The following PCLO variants were observed in gnomAD, a reference collection of about 807,000 sequenced individuals.
The protein encoded by PCLO is piccolo presynaptic cytomatrix protein.
PCLO carries 82 observed loss-of-function variants against 427.5 expected under a neutral mutation model. The observed-to-expected ratio is 0.19, with a 90% CI of 0.16 to 0.23. The LOEUF (loss-of-function observed/expected upper bound fraction) is 0.23. PCLO is among the 10% of genes least tolerant of loss of function. The probability of loss-of-function intolerance (pLI) is 1.00; values close to 1 mark genes in which losing one functional copy is unlikely to be tolerated. For missense variants in PCLO, 6,239 were observed against 6,115.9 expected (o/e 1.02, Z -0.67); for synonymous variants, 2,357 against 2,155.4 (o/e 1.09, Z -2.59).
intron 22 of PCLO, among the ~76,000 whole-genome samples, chr7:82,787,236 T>C (rs1583974465): frequency 6.6e-6 from 1 of 152,118 alleles, no homozygotes; most frequent in East Asian, 1.9e-4. Flanking sequence ...CTCCACATCC[T>C]CTCCAGCATC....
In PCLO at chr7:82,955,660, G is replaced by C; in HGVS notation, c.5293C>G (p.Pro1765Ala). 1.9e-6 allele frequency: 3 copies of C among 1,613,832 alleles called. No individual in the cohort carries two copies. Among genetic ancestry groups the C allele is most frequent in the Non-Finnish European group, 2.5e-6 (3 of 1,179,866 alleles). The stretch of plus-strand genomic sequence containing the variant: ...GAATCTTCAATAGTAGGCAAAAGAG[G>C]GCCATGTGGTCTGTGCCGAGCTTTG... Reference protein sequence around the residue: ...QRKARHRPHGPLLPTIEDSSE... With the variant: ...QRKARHRPHGALLPTIEDSSE... Residue 1765 changes from proline to alanine, a missense_variant, in exon 5 of 25, where the codon CCT becomes GCT. Pro to Ala is a conservative substitution (Grantham distance 27, BLOSUM62 -1). Around this residue, in one of 5 missense-constraint regions of PCLO, gnomAD observed 4,677 missense variants for 4,468.4 expected, o/e 1.05. Coordinates refer to ENST00000333891, the MANE Select transcript of PCLO (RefSeq NM_033026.6).
intron 3 of PCLO, among the ~76,000 whole-genome samples, chr7:83,093,103 A>C (rs73170043): frequency 0.054 from 8,272 of 152,126 alleles, 357 homozygotes; most frequent in African/African-American, 0.1. Context: ...AAATTTCATA[A>C]ATCCAGAATT....
chr7:82,958,715 T>C (rs956066377), intron 4 of PCLO, among the ~76,000 whole-genome samples: 2 of 152,182 alleles, frequency 1.3e-5, no homozygotes, highest in Non-Finnish European at 2.9e-5. Context: ...TGTGAGACTA[T>C]AGCAGGACGG....
chr7:83,124,240 C>T (rs966491443), intron 3 of PCLO, among the ~76,000 whole-genome samples: 28 of 151,046 alleles, frequency 1.9e-4, no homozygotes, highest in Non-Finnish European at 3.4e-4. Flanking sequence ...TGGCGTGAAC[C>T]AGGAAGGCGG....
chr7:82,784,493 G>A (rs1055811510), intron 22 of PCLO, among the ~76,000 whole-genome samples: 4 of 151,934 alleles, frequency 2.6e-5, no homozygotes, highest in Non-Finnish European at 2.9e-5. Flanking sequence ...TGAATTGCCC[G>A]TATTCATCAA....
chr7:83,119,051 C>G (rs1791207206), intron 3 of PCLO, among the ~76,000 whole-genome samples: 2 of 152,136 alleles, frequency 1.3e-5, no homozygotes, highest in Admixed American at 1.3e-4. Context: ...AGCCCTGAAG[C>G]CCCTGATCCC....
In PCLO at chr7:82,956,234, T is replaced by C; in HGVS notation, c.4719A>G (p.Glu1573=). ...GCTGGTTTCTGATGAACTCATCATCTTCAGAACCTGAAGCATCTTCATCAG... is the reference window on the plus strand; with the variant it reads ...GCTGGTTTCTGATGAACTCATCATCCTCAGAACCTGAAGCATCTTCATCAG... The part of the protein sequence containing the change: ...MSADEDASGS[E]DDEFIRNQLK... Residue 1573 remains glutamate, a synonymous_variant, in exon 5 of 25, where the codon GAA becomes GAG. Coordinates refer to ENST00000333891, the MANE Select transcript of PCLO (RefSeq NM_033026.6). 5.6e-6 allele frequency: 9 copies of C among 1,611,330 alleles called. No homozygotes were observed. Among genetic ancestry groups the C allele is most frequent in the Non-Finnish European group, 7.6e-6 (9 of 1,179,800 alleles).
intron 6 of PCLO, among the ~76,000 whole-genome samples, chr7:82,931,410 A>G (rs1274877606): frequency 6.6e-6 from 1 of 152,122 alleles, no homozygotes; most frequent in East Asian, 1.9e-4. Context: ...GCTTAAAACA[A>G]CAATATTTAC....
chr7:82,795,450 T>G (rs560508393), intron 22 of PCLO, among the ~76,000 whole-genome samples: 1 of 152,288 alleles, frequency 6.6e-6, no homozygotes, highest in African/African-American at 2.4e-5. Context: ...CATCATTAAG[T>G]ATTGGATGTT....
chr7:82,789,654 G>A (rs1158456569), intron 22 of PCLO, among the ~76,000 whole-genome samples: 4 of 152,088 alleles, frequency 2.6e-5, no homozygotes, highest in African/African-American at 9.7e-5. Flanking sequence ...GCAGTGAGTC[G>A]AGATCGCACC....
chr7:82,793,461 C>G (rs1400193629), intron 22 of PCLO, among the ~76,000 whole-genome samples: 2 of 152,088 alleles, frequency 1.3e-5, no homozygotes, highest in African/African-American at 4.8e-5. Flanking sequence ...TGCTTGGTCA[C>G]AGTGTATACC....
chr7:82,794,902 C>CA (rs1418778233), intron 22 of PCLO, among the ~76,000 whole-genome samples: 1 of 152,012 alleles, frequency 6.6e-6, no homozygotes, highest in Non-Finnish European at 1.5e-5. Context: ...TCTTATTTAT[C>CA]ATTTGCTCAT....
intron 3 of PCLO, among the ~76,000 whole-genome samples, chr7:83,123,850 T>C (rs1223061404): frequency 6.7e-6 from 1 of 149,362 alleles, no homozygotes; most frequent in Non-Finnish European, 1.5e-5. Flanking sequence ...CCAGCACTTT[T>C]GGAGTCCGAG....
chr7:83,122,096 T>A (rs1413485310), intron 3 of PCLO, among the ~76,000 whole-genome samples: 1 of 151,988 alleles, frequency 6.6e-6, no homozygotes, highest in African/African-American at 2.4e-5. Context: ...AAGCATTTGA[T>A]AAAATTCAAG....
At chr7:83,077,291 G>A (rs745802534) in intron 3 of PCLO, among the ~76,000 whole-genome samples, 2 of 152,050 alleles carry the variant, frequency 1.3e-5, no homozygotes, top group Non-Finnish European at 2.9e-5. Context: ...GTGACAAACA[G>A]GTCCAGAGAA....
intron 1 of PCLO, among the ~76,000 whole-genome samples, chr7:83,157,917 G>A (rs1369672320): frequency 3.3e-5 from 5 of 151,978 alleles, no homozygotes; most frequent in Non-Finnish European, 7.4e-5. Flanking sequence ...CTGCTAATGA[G>A]ACAGACTACA....
At chr7:82,860,967 A>G (rs890781487) in intron 10 of PCLO, among the ~76,000 whole-genome samples, 3 of 152,094 alleles carry the variant, frequency 2.0e-5, no homozygotes, top group Non-Finnish European at 4.4e-5. Flanking sequence ...TATGATATAT[A>G]CGCAAAAAAT....
chr7:82,821,303 G>A lies in PCLO; in HGVS notation c.14791+1192C>T, dbSNP rs1791785536. Reference sequence around the variant, plus strand: ...ACCGCTTTTATGTGCTGCTGTGGCAGTGTGGGTGAAATGGAAACCCAGAGT... The same window carrying A: ...ACCGCTTTTATGTGCTGCTGTGGCAATGTGGGTGAAATGGAAACCCAGAGT... On this transcript the variant is annotated intron_variant, in intron 20 of 24. Transcript: ENST00000333891. 5 of 986,138 alleles carry A rather than the reference G, an allele frequency of 5.1e-6. 1 individual carries two copies. The South Asian group carries it at 2.3e-4, about 46-fold the overall frequency. The allele number at this position is 986,138 out of a possible 1,614,324, so 61.1% of individuals were successfully genotyped here.
intron 3 of PCLO, among the ~76,000 whole-genome samples, chr7:83,033,239 G>T (rs931429903): frequency 6.6e-6 from 1 of 152,020 alleles, no homozygotes; most frequent in African/African-American, 2.4e-5. Flanking sequence ...ACTAATAGAA[G>T]GGTTAAAGGC....
Sources: gnomAD v4.1 joint callset for allele counts (sites outside exome capture counted in the v4.1 genomes callset) on GRCh38, gnomAD v4.1.1 for gene constraint, gnomAD v4.1.1 regional missense constraint, MANE v1.5 for transcripts, NCBI Gene and HGNC (gene_info 2026-07-23, HGNC 2026-07-21) for gene names.